The following CCDC171 variants were observed in gnomAD, a reference collection of about 807,000 sequenced individuals.
The protein encoded by CCDC171 is coiled-coil domain-containing protein 171.
CCDC171 carries 177 observed loss-of-function variants against 168.2 expected under a neutral mutation model. That is an observed-to-expected ratio of 1.05 (90% CI 0.93 to 1.19). CCDC171 has a LOEUF of 1.19. Ranked by LOEUF, CCDC171 falls within the 50% of genes most tolerant of loss-of-function variation. The pLI is 0.00. For synonymous variants in CCDC171, 687 were observed against 540.8 expected, an observed-to-expected ratio of 1.27 and a Z score of -3.75; for missense variants, 1,991 against 1,539.0, an observed-to-expected ratio of 1.29 and a Z score of -4.91.
chr9:15,938,571 T>C (rs892169873), intron 25 of CCDC171, among the ~76,000 whole-genome samples: 2 of 151,896 alleles, frequency 1.3e-5, no homozygotes, highest in African/African-American at 4.8e-5. Context: ...GCACAGAGAA[T>C]TGAAAGTGTA....
chr9:16,057,117 A>G (rs1234981480), intron 1 of CCDC171, among the ~76,000 whole-genome samples: 2 of 152,232 alleles, frequency 1.3e-5, no homozygotes, highest in African/African-American at 2.4e-5. Flanking sequence ...GCTGTTATGA[A>G]TGACATCCTT....
intron 24 of CCDC171, among the ~76,000 whole-genome samples, chr9:15,900,050 G>A (rs1821413660): frequency 6.6e-6 from 1 of 152,156 alleles, no homozygotes; most frequent in African/African-American, 2.4e-5. Flanking sequence ...GTTTCAGGCT[G>A]CAGTAATCAG....
chr9:16,038,362 A>G (rs1833510819), upstream of CCDC171, among the ~76,000 whole-genome samples: 1 of 152,174 alleles, frequency 6.6e-6, no homozygotes. Context: ...GAAGTTAATA[A>G]TCTTGACAGA....
intron 24 of CCDC171, among the ~76,000 whole-genome samples, chr9:15,905,874 A>G (rs578095627): frequency 6.6e-6 from 1 of 152,360 alleles, no homozygotes; most frequent in African/African-American, 2.4e-5. Context: ...ACAAACTGCC[A>G]TCAGAGAATA....
chr9:15,595,841 A>C (rs919478545), intron 6 of CCDC171, among the ~76,000 whole-genome samples: 1 of 152,172 alleles, frequency 6.6e-6, no homozygotes, highest in Admixed American at 6.6e-5. Flanking sequence ...TTGCCATTCT[A>C]ACTGGTGTGA....
At chr9:15,751,554 A>G (rs1258211330) in intron 18 of CCDC171, among the ~76,000 whole-genome samples, 2 of 152,202 alleles carry the variant, frequency 1.3e-5, no homozygotes, top group African/African-American at 4.8e-5. Context: ...ACTGGTACCA[A>G]AACAGATATA....
intron 21 of CCDC171, among the ~76,000 whole-genome samples, chr9:15,841,638 T>C (rs1374178046): frequency 6.6e-6 from 1 of 152,006 alleles, no homozygotes; most frequent in Non-Finnish European, 1.5e-5. Context: ...ATTCCTCATA[T>C]AAAATATAAG....
At chr9:15,934,389 C>CAAAAAAAAA (rs71304892) in intron 25 of CCDC171, among the ~76,000 whole-genome samples, 2 of 114,294 alleles carry the variant, frequency 1.7e-5, no homozygotes, top group Non-Finnish European at 1.7e-5. Context: ...GACCCTGTCT[C>CAAAAAAAAA]AAAAAAAAAA....
At chr9:16,047,793 A>T (rs1007916443) in intron 1 of CCDC171, among the ~76,000 whole-genome samples, 4 of 152,228 alleles carry the variant, frequency 2.6e-5, no homozygotes, top group Non-Finnish European at 5.9e-5. Flanking sequence ...AATCTATAAA[A>T]AGCACTTTTA....
At chr9:15,931,396 A>G (rs1490005104) in intron 25 of CCDC171, among the ~76,000 whole-genome samples, 1 of 147,558 alleles carries the variant, frequency 6.8e-6, no homozygotes, top group Non-Finnish European at 1.5e-5. Flanking sequence ...TCTTTTGAGA[A>G]CTGTCTATTC....
chr9:15,848,184 G>T (rs2060981574), intron 22 of CCDC171, among the ~76,000 whole-genome samples: 2 of 151,946 alleles, frequency 1.3e-5, no homozygotes, highest in African/African-American at 4.8e-5. Context: ...TCTATGATCT[G>T]TGACCACGGG....
At chr9:15,961,632 A>T (rs993248462) in intron 25 of CCDC171, among the ~76,000 whole-genome samples, 3 of 152,084 alleles carry the variant, frequency 2.0e-5, no homozygotes, top group African/African-American at 7.2e-5. Context: ...ACACTTAAAG[A>T]CCTATCCTCT....
At chr9:15,889,831 TCAGA>T (rs1308479336) in intron 24 of CCDC171, among the ~76,000 whole-genome samples, 2 of 152,200 alleles carry the variant, frequency 1.3e-5, no homozygotes, top group African/African-American at 2.4e-5. Context: ...CTGCTGGTAT[TCAGA>T]CAATTACTCT....
chr9:15,579,395 A>T (rs1419722537), intron 4 of CCDC171, among the ~76,000 whole-genome samples: 2 of 152,204 alleles, frequency 1.3e-5, no homozygotes, highest in Admixed American at 1.3e-4. Context: ...CTAGCTTGAG[A>T]ATCTATATGT....
At chr9:15,592,524 A>G (rs770643307) in intron 5 of CCDC171, among the ~76,000 whole-genome samples, 31 of 152,318 alleles carry the variant, frequency 2.0e-4, no homozygotes, top group African/African-American at 6.3e-4. Flanking sequence ...TGTCATTGTC[A>G]GCAAATTTAC....
At chr9:15,625,517 T>C (rs549568327) in intron 7 of CCDC171, among the ~76,000 whole-genome samples, 8 of 152,314 alleles carry the variant, frequency 5.3e-5, no homozygotes, top group African/African-American at 1.4e-4. Flanking sequence ...AGGGATCCAG[T>C]TTCAGCTTTC....
intron 7 of CCDC171, among the ~76,000 whole-genome samples, chr9:15,643,216 G>T (rs2046778015): frequency 6.6e-6 from 1 of 151,874 alleles, no homozygotes; most frequent in Non-Finnish European, 1.5e-5. Flanking sequence ...CTTGTGACTG[G>T]CTAGACTTTT....
rs2043375109 is a variant in CCDC171 at position 15,608,383 on chromosome 9, T to C, written c.675+14211T>C. On this transcript the variant is annotated intron_variant, in intron 6 of 25. Coordinates refer to ENST00000380701, the MANE Select transcript of CCDC171 (RefSeq NM_173550.4). ...TCTTTTTATGTGGGTATGTATTTAG[T>C]GCGTATAAAATATGTGCCAAATTGT... Among the ~76,000 whole-genome samples the C allele has an allele frequency of 2.0e-5, 3 of 152,202 alleles. No homozygotes were observed. In the South Asian group the frequency reaches 6.2e-4, roughly 32 times the overall value.
chr9:16,043,247 G>A (rs1423478031), intron 1 of CCDC171, among the ~76,000 whole-genome samples: 1 of 152,062 alleles, frequency 6.6e-6, no homozygotes, highest in Admixed American at 6.5e-5. Flanking sequence ...ACTCTTTCTT[G>A]CCTCTGGAGA....
Sources: gnomAD v4.1 joint callset for allele counts (sites outside exome capture counted in the v4.1 genomes callset) on GRCh38, gnomAD v4.1.1 for gene constraint, MANE v1.5 for transcripts, NCBI Gene and HGNC (gene_info 2026-07-23, HGNC 2026-07-21) for gene names.